The following NTAN1 variants were observed in gnomAD, a reference collection of about 807,000 sequenced individuals.
NTAN1 encodes protein N-terminal asparagine amidohydrolase.
A neutral mutation model predicts 41.9 loss-of-function variants in NTAN1; 32 were observed. That is an observed-to-expected ratio of 0.76 (90% confidence interval 0.58 to 1.03). NTAN1 has a LOEUF of 1.03. Ranked by LOEUF, NTAN1 falls within the 50% of genes least tolerant of loss-of-function variation. The pLI is 0.00. For missense variants in NTAN1, 377 were observed against 377.5 expected (o/e 1.00, Z 0.01); for synonymous variants, 140 against 139.5 (o/e 1.00, Z -0.03).
intron 1 of NTAN1, among the ~76,000 whole-genome samples, chr16:15,053,602 CCT>C (rs2044379230): frequency 6.6e-6 from 1 of 151,888 alleles, no homozygotes; most frequent in Non-Finnish European, 1.5e-5. Context: ...AAGAGGACAC[CCT>C]GTTTTATTAT....
In NTAN1 at chr16:15,039,979, G is replaced by T; in HGVS notation, c.629C>A (p.Ala210Glu). The change falls in exon 8 of 10, where the codon GCA (alanine) becomes GAA (glutamate). Residue 210 changes from alanine (A) to glutamate (E), a missense_variant. By Grantham distance (107) the Ala-to-Glu change is moderately radical (BLOSUM62 -1). Coordinates refer to ENST00000287706, the MANE Select transcript of NTAN1 (RefSeq NM_173474.4). The stretch of plus-strand genomic sequence containing the variant: ...TGATTTGAAACTCACTGGTCCTCCT[G>T]CTAAAGTTCGCGCAGCACGAAGCTG... Reference protein sequence around the residue: ...EEQLRAARTLAGGPMISIYDA... With the variant: ...EEQLRAARTLEGGPMISIYDA... 1 of 1,591,506 alleles carries T rather than the reference G, an allele frequency of 6.3e-7. No individual in the cohort carries two copies. Among genetic ancestry groups the T allele is most frequent in the Non-Finnish European group, 8.6e-7 (1 of 1,162,040 alleles).
At chr16:15,048,378 TTTTGTTTG>T (rs745545400) in intron 1 of NTAN1, among the ~76,000 whole-genome samples, 1 of 152,120 alleles carries the variant, frequency 6.6e-6, no homozygotes, top group Admixed American at 6.5e-5. Flanking sequence ...TATTATAGTT[TTTTGTTTG>T]TTTGTTTGTT....
chr16:15,050,588 T>C (rs2044255903), intron 1 of NTAN1, among the ~76,000 whole-genome samples: 1 of 151,882 alleles, frequency 6.6e-6, no homozygotes, highest in Admixed American at 6.6e-5. Context: ...AAAAATTAGC[T>C]GGGTGTGGTG....
intron 3 of NTAN1, 124 bp downstream of exon 3, chr16:15,047,731 A>G (rs1015797222): frequency 5.3e-6 from 5 of 947,820 alleles, no homozygotes; most frequent in Non-Finnish European, 8.6e-6. Context: ...CACCATGCAG[A>G]CCAGAAAAAA....
chr16:15,038,335 T>A, intron 9 of NTAN1, 125 bp from the exon 10 acceptor site: 36 of 641,058 alleles, frequency 5.6e-5, no homozygotes, highest in Non-Finnish European at 9.1e-5. Context: ...AGAAATGAGG[T>A]GGCCTGAATT....
rs374468450 is a variant in NTAN1, at chr16:15,044,670, G to A, written c.360-263C>T. 1.0e-4 allele frequency: 53 copies of A among 524,944 alleles called. No individual in the cohort carries two copies. The East Asian group carries it at 1.4e-3, about 14-fold the overall frequency. The allele number at this position is 524,944 out of a possible 1,614,324, so 32.5% of individuals were successfully genotyped here. A position where few individuals can be genotyped will look rare whatever the true frequency, so the allele number is the denominator to read the frequency against. ...TGTGATGCCGCCTCCATGCACCAGT[G>A]GGGAACTTTGCTCTGGAAGAGCACA... On this transcript the variant is annotated intron_variant, in intron 4 of 9. Transcript: ENST00000287706.
At chr16:15,049,505 T>C (rs952684481) in intron 1 of NTAN1, among the ~76,000 whole-genome samples, 7 of 152,020 alleles carry the variant, frequency 4.6e-5, no homozygotes, top group African/African-American at 1.7e-4. Context: ...CTCAGTTCAC[T>C]GCAATCTCCA....
rs2044141696 is a variant in NTAN1, at chr16:15,047,933, GAAATA to G, written c.185-18_185-14del. 6.2e-7 allele frequency: 1 copy of G among 1,611,834 alleles called. No individual in the cohort carries two copies. Among genetic ancestry groups the G allele is most frequent in the Non-Finnish European group, 8.5e-7 (1 of 1,177,982 alleles). ...ATGGAGATGGAGCCTGTTTAAAAAA[GAAATA>G]AAATAAAATATCCAATAGCCTTTTG... On this transcript the variant is annotated splice_polypyrimidine_tract_variant and intron_variant, in intron 2 of 9. Coordinates refer to ENST00000287706, the MANE Select transcript of NTAN1 (RefSeq NM_173474.4).
At position 15,038,591 on chromosome 16, in the gene NTAN1, C is replaced by T. The variant is rs768306514; in HGVS notation, c.736G>A (p.Asp246Asn). ...PHVDFWLHQD[D>N]KQILENLSTS... ...ACTCTCACCTCTAGTATTTGCTTGT[C>T]ATCTTGGTGCAACCAGAAATCCACA... The change falls in exon 9 of 10, where the codon GAC (aspartate) becomes AAC (asparagine). Residue 246 changes from aspartate to asparagine, a missense_variant. Physicochemically the swap from Asp to Asn is conservative, Grantham distance 23 (BLOSUM62 1). Transcript: ENST00000287706. The T allele has an allele frequency of 8.2e-6, 13 of 1,590,676 alleles. No homozygotes were observed. The highest frequency in any genetic ancestry group is 1.1e-5 in the Non-Finnish European group (13 of 1,159,184).
At chr16:15,053,134 G>A (rs1162554067) in intron 1 of NTAN1, among the ~76,000 whole-genome samples, 1 of 152,200 alleles carries the variant, frequency 6.6e-6, no homozygotes, top group African/African-American at 2.4e-5. Context: ...TGATTTTTAA[G>A]TTAAATCCTA....
chr16:15,053,865 T>C (rs1335621072), intron 1 of NTAN1, among the ~76,000 whole-genome samples: 3 of 152,144 alleles, frequency 2.0e-5, no homozygotes, highest in Admixed American at 6.5e-5. Flanking sequence ...TGAGCCGAGA[T>C]TGTGCCACAG....
chr16:15,038,770 G>C lies in NTAN1; in HGVS notation c.640-83C>G, dbSNP rs2043667773. On this transcript the variant is annotated intron_variant, in intron 8 of 9. Coordinates refer to ENST00000287706, the MANE Select transcript of NTAN1 (RefSeq NM_173474.4). Reference sequence around the variant, plus strand: ...TCCCAGTAACGCAAGCTCCAGTGTAGTCCTTTCATGCATTTATCTGCCTAA... The same window carrying C: ...TCCCAGTAACGCAAGCTCCAGTGTACTCCTTTCATGCATTTATCTGCCTAA... 8.4e-6 allele frequency: 6 copies of C among 711,276 alleles called. No individual in the cohort carries two copies. The East Asian group carries it at 1.5e-4, about 18-fold the overall frequency. 44.1% of individuals were successfully genotyped at this position (711,276 alleles called of 1,614,324 possible).
intron 4 of NTAN1, among the ~76,000 whole-genome samples, chr16:15,046,455 G>A (rs1473550121): frequency 2.0e-5 from 3 of 152,130 alleles, no homozygotes. Context: ...GCTCCTGTGT[G>A]CTCCAGCACA....
intron 1 of NTAN1, among the ~76,000 whole-genome samples, chr16:15,055,456 C>T (rs1226583220): frequency 6.6e-6 from 1 of 152,192 alleles, no homozygotes; most frequent in Non-Finnish European, 1.5e-5. Flanking sequence ...CCGAAGCCCA[C>T]CCTGGAATAA....
intron 7 of NTAN1, 167 bp from the exon 8 acceptor site, chr16:15,040,233 A>C: frequency 2.3e-6 from 1 of 433,120 alleles, no homozygotes; most frequent in South Asian, 6.0e-5. Context: ...TGCAACCTTT[A>C]CCCCAAGCAT....
At chr16:15,040,941 G>A (rs550566490) in intron 7 of NTAN1, 127 bp downstream of exon 7, 165 of 712,034 alleles carry the variant, frequency 2.3e-4, no homozygotes, top group Non-Finnish European at 3.8e-4. Context: ...GCAGATGTTC[G>A]GAGTAGCTGG....
At chr16:15,044,456 G>T in intron 4 of NTAN1, 49 bp from the exon 5 acceptor site, 1 of 1,183,422 alleles carries the variant, frequency 8.5e-7, no homozygotes, top group Non-Finnish European at 1.3e-6. Context: ...ACACCGGTGC[G>T]TGCGCTGGTC....
chr16:15,051,805 A>G (rs1435773581), intron 1 of NTAN1, among the ~76,000 whole-genome samples: 2 of 150,436 alleles, frequency 1.3e-5, no homozygotes, highest in African/African-American at 2.5e-5. Context: ...GGCTCAAGCA[A>G]TCCTCCCACC....
At chr16:15,047,314 G>T (rs542630919) in intron 4 of NTAN1, 128 bp downstream of exon 4, 116 of 692,698 alleles carry the variant, frequency 1.7e-4, no homozygotes, top group Non-Finnish European at 2.8e-4. Context: ...GCCAGGTTCT[G>T]TTCCAGGGGA....
Sources: allele counts gnomAD v4.1 joint callset (sites outside exome capture counted in the v4.1 genomes callset), GRCh38; gene constraint gnomAD v4.1.1; transcripts MANE v1.5; gene names NCBI Gene and HGNC (gene_info 2026-07-23, HGNC 2026-07-21).